GALNTL6: variants seen among roughly 807,000 people sequenced by gnomAD.
GALNTL6 encodes the protein polypeptide N-acetylgalactosaminyltransferase-like 6.
Under a neutral mutation model 73.7 loss-of-function variants are expected in GALNTL6, and 46 were observed. The observed-to-expected ratio is 0.62, with a 90% CI of 0.49 to 0.80. GALNTL6 has a LOEUF of 0.80. GALNTL6 is among the 30% of genes least tolerant of loss of function. The pLI is 0.00. For synonymous variants in GALNTL6, 259 were observed against 263.7 expected, an observed-to-expected ratio of 0.98 and a Z score of 0.17; for missense variants, 604 against 755.0, an observed-to-expected ratio of 0.80 and a Z score of 2.34.
chr4:171,942,393 A>G (rs773047143), intron 2 of GALNTL6, among the ~76,000 whole-genome samples: 27 of 151,972 alleles, frequency 1.8e-4, no homozygotes, highest in Non-Finnish European at 2.9e-4. Context: ...GATGTTTTGT[A>G]TTTTCTTATT....
At chr4:172,369,443 C>T (rs539995337) in intron 5 of GALNTL6, among the ~76,000 whole-genome samples, 77 of 152,306 alleles carry the variant, frequency 5.1e-4, no homozygotes, top group African/African-American at 1.6e-3. Context: ...GCCAGGGCTG[C>T]GGGTGGAGCT....
At chr4:172,073,855 G>A (rs1338983592) in intron 2 of GALNTL6, among the ~76,000 whole-genome samples, 1 of 152,172 alleles carries the variant, frequency 6.6e-6, no homozygotes, top group African/African-American at 2.4e-5. Flanking sequence ...GGGACAGGGA[G>A]GGACTCTGTA....
intron 5 of GALNTL6, among the ~76,000 whole-genome samples, chr4:172,355,536 A>C (rs1742119271): frequency 6.6e-6 from 1 of 152,150 alleles, no homozygotes; most frequent in African/African-American, 2.4e-5. Flanking sequence ...CAAATTCCAC[A>C]GTAGAAAAAA....
At chr4:172,880,847 AT>A (rs1745416965) in intron 7 of GALNTL6, among the ~76,000 whole-genome samples, 1 of 152,170 alleles carries the variant, frequency 6.6e-6, no homozygotes, top group African/African-American at 2.4e-5. Flanking sequence ...TATGTCTAAA[AT>A]AACCTAAGAT....
chr4:172,709,206 GC>G (rs1409912613), intron 5 of GALNTL6, among the ~76,000 whole-genome samples: 1 of 152,028 alleles, frequency 6.6e-6, no homozygotes, highest in East Asian at 1.9e-4. Flanking sequence ...TCCCAGGCCT[GC>G]CAGAGCCCAG....
At position 172,487,250 on chromosome 4, in the gene GALNTL6, TCTTC is replaced by T. The variant is rs200305096; in HGVS notation, c.553+138577_553+138580del. Among the ~76,000 whole-genome samples the T allele has an allele frequency of 3.9e-3, 578 of 149,822 alleles. 1 individual carries two copies. Among genetic ancestry groups the T allele is most frequent in the African/African-American group, 8.9e-3 (362 of 40,762 alleles). On this transcript the variant is annotated intron_variant, in intron 5 of 12. Transcript: ENST00000506823. ...TCCTTCCTTCCTGTCTTTCTTTCTT[TCTTC>T]CTTCCTTCCTTCCTTTCCTCTTTCT...
intron 2 of GALNTL6, among the ~76,000 whole-genome samples, chr4:172,224,237 G>A (rs1028417273): frequency 5.9e-5 from 9 of 152,118 alleles, no homozygotes; most frequent in African/African-American, 2.2e-4. Context: ...AAGTGGGTAA[G>A]GTAGGTATTG....
intron 3 of GALNTL6, among the ~76,000 whole-genome samples, chr4:172,269,199 G>A (rs1208803960): frequency 1.3e-5 from 2 of 152,102 alleles, no homozygotes; most frequent in Non-Finnish European, 2.9e-5. Context: ...GCAGAGAGAC[G>A]TCTTGAGATT....
chr4:172,841,860 C>T (rs1236941846), intron 7 of GALNTL6, among the ~76,000 whole-genome samples: 1 of 152,206 alleles, frequency 6.6e-6, no homozygotes, highest in Non-Finnish European at 1.5e-5. Context: ...TATTCTCTAG[C>T]ATCCTAACAA....
intron 7 of GALNTL6, among the ~76,000 whole-genome samples, chr4:172,845,793 T>TA (rs1011535198): frequency 5.9e-5 from 9 of 152,232 alleles, no homozygotes; most frequent in African/African-American, 1.4e-4. Context: ...GGATTTTTTT[T>TA]ATGTTAATTC....
At chr4:172,596,440 G>T (rs1324927812) in intron 5 of GALNTL6, among the ~76,000 whole-genome samples, 6 of 131,552 alleles carry the variant, frequency 4.6e-5, no homozygotes, top group Admixed American at 8.5e-5. Flanking sequence ...GGGAGACATT[G>T]TCTCTCAAAA....
intron 4 of GALNTL6, among the ~76,000 whole-genome samples, chr4:172,330,181 C>T (rs972096310): frequency 1.3e-5 from 2 of 152,184 alleles, no homozygotes; most frequent in Admixed American, 1.3e-4. Context: ...GAGTTGCAAC[C>T]GCTTTTGCTG....
intron 5 of GALNTL6, among the ~76,000 whole-genome samples, chr4:172,550,951 A>G (rs867924400): frequency 2.0e-5 from 3 of 152,308 alleles, no homozygotes; most frequent in Middle Eastern, 3.4e-3. Context: ...CTGAGGTGAC[A>G]TTGAAACATA....
intron 5 of GALNTL6, among the ~76,000 whole-genome samples, chr4:172,526,300 C>T (rs757559412): frequency 7.2e-5 from 11 of 152,172 alleles, no homozygotes; most frequent in Non-Finnish European, 1.6e-4. Context: ...ATTGTTTCAG[C>T]ATCGCTCACT....
At chr4:172,572,069 G>A (rs2110951412) in intron 5 of GALNTL6, among the ~76,000 whole-genome samples, 1 of 152,258 alleles carries the variant, frequency 6.6e-6, no homozygotes, top group African/African-American at 2.4e-5. Flanking sequence ...AGACTGAAAT[G>A]ATGATTGTGA....
intron 2 of GALNTL6, among the ~76,000 whole-genome samples, chr4:172,152,854 C>T (rs1579188757): frequency 6.6e-6 from 1 of 152,162 alleles, no homozygotes; most frequent in African/African-American, 2.4e-5. Context: ...ATGCAGTCTG[C>T]CCGCATCAGC....
chr4:172,385,845 G>A (rs1171694277), intron 5 of GALNTL6, among the ~76,000 whole-genome samples: 1 of 151,296 alleles, frequency 6.6e-6, no homozygotes, highest in Non-Finnish European at 1.5e-5. Flanking sequence ...TTCCATTACT[G>A]TTTTTTCTTC....
chr4:172,734,975 G>A (rs1054129511), intron 5 of GALNTL6, among the ~76,000 whole-genome samples: 7 of 152,218 alleles, frequency 4.6e-5, no homozygotes, highest in African/African-American at 1.7e-4. Flanking sequence ...GATTTCAAAG[G>A]CAGGGGTGTG....
At chr4:172,459,503 A>G (rs191312203) in intron 5 of GALNTL6, among the ~76,000 whole-genome samples, 33 of 152,362 alleles carry the variant, frequency 2.2e-4, no homozygotes, top group East Asian at 1.9e-3. Context: ...GCTGATAAGC[A>G]ACTTCAGCAA....
Sources: gnomAD v4.1 joint callset for allele counts (sites outside exome capture counted in the v4.1 genomes callset) on GRCh38, gnomAD v4.1.1 for gene constraint, MANE v1.5 for transcripts, NCBI Gene and HGNC (gene_info 2026-07-23, HGNC 2026-07-21) for gene names.